Variants in SMIM12 observed in about 807,000 individuals in gnomAD.
SMIM12 encodes the protein UPF0767 protein C1orf212.
In SMIM12, 5 loss-of-function variants were observed where a neutral mutation model predicts 6.3. That is an observed-to-expected ratio of 0.80 (90% CI 0.42 to 1.68). The LOEUF is 1.68. Among genes scored for constraint, SMIM12 ranks in the 40% most tolerant of loss-of-function variants. The probability of loss-of-function intolerance (pLI) is 0.02; values close to 1 mark genes in which losing one functional copy is unlikely to be tolerated. For missense variants in SMIM12, 103 were observed against 121.4 expected (o/e 0.85, Z 0.71); for synonymous variants, 51 against 48.0 (o/e 1.06, Z -0.26).
In SMIM12 at chr1:34,852,467, A is replaced by AC. The variant is rs1640958223; in HGVS notation, c.*3231_*3232insG. On this transcript the variant is annotated 3_prime_UTR_variant, in exon 2 of 2. Coordinates refer to ENST00000521580, the MANE Select transcript of SMIM12 (RefSeq NM_138428.6). ...TGTAACAAGTTGTTAGATCGCCAAA[A>AC]AAAAAAAAAAAAAAAAAACCATAAT... 9.8e-6 allele frequency among the ~76,000 whole-genome samples: 1 copy of AC among 101,892 alleles called. No homozygotes were observed. The highest frequency in any genetic ancestry group is 5.1e-5 in the African/African-American group (1 of 19,778). 66.8% of individuals were successfully genotyped at this position (101,892 alleles called of 152,430 possible).
rs1468104183 is a variant in SMIM12, at chr1:34,854,289, CAG to C, written c.*1408_*1409del. On this transcript the variant is annotated 3_prime_UTR_variant, in exon 2 of 2. Coordinates refer to ENST00000521580, the MANE Select transcript of SMIM12 (RefSeq NM_138428.6). Reference sequence around the variant, plus strand: ...CGCCACTGCACTCCAGCCCGGGTGACAGAATGAGAGTCCATCTCCAAAAAAAA... The same window carrying C: ...CGCCACTGCACTCCAGCCCGGGTGACAATGAGAGTCCATCTCCAAAAAAAA... The C allele has an allele frequency of 6.6e-6, 1 of 152,114 alleles. No individual in the cohort carries two copies. The highest frequency in any genetic ancestry group is 1.5e-5 in the Non-Finnish European group (1 of 68,060). The allele number at this position is 152,114 out of a possible 1,614,324, so 9.4% of individuals were successfully genotyped here.
chr1:34,851,605 A>G lies in SMIM12; in HGVS notation c.*4094T>C, dbSNP rs1288387625. ...CCTGGAGCCCTGGGGAGCTGACCAG[A>G]GTCAAAAGGCTCCCTGGCAGGCTTG... On this transcript the variant is annotated 3_prime_UTR_variant, in exon 2 of 2. Transcript: ENST00000521580. 1 of 152,182 alleles carries G rather than the reference A, an allele frequency of 6.6e-6. No individual in the cohort carries two copies. 9.4% of individuals were successfully genotyped at this position (152,182 alleles called of 1,614,324 possible).
At position 34,855,020 on chromosome 1, in the gene SMIM12, C is replaced by A. The variant is rs2148379221; in HGVS notation, c.*679G>T. 2.4e-6 allele frequency: 3 copies of A among 1,256,382 alleles called. No individual in the cohort carries two copies. The South Asian group carries it at 4.2e-5, about 18-fold the overall frequency. 77.8% of individuals were successfully genotyped at this position (1,256,382 alleles called of 1,614,324 possible). On this transcript the variant is annotated 3_prime_UTR_variant, in exon 2 of 2. Transcript: ENST00000521580. ...AACTCCTAAGAAGACCCCCAAATAC[C>A]ACCTGGATGATAAGATTCGATCATT...
At position 34,851,877 on chromosome 1, in the gene SMIM12, G is replaced by A. The variant is rs940469669; in HGVS notation, c.*3822C>T. On this transcript the variant is annotated 3_prime_UTR_variant, in exon 2 of 2. Coordinates refer to ENST00000521580, the MANE Select transcript of SMIM12 (RefSeq NM_138428.6). ...TGTTTCAGTGAACTGTGACTGGAAGGCCAGTCAAAAAGAGGGTCACATGCC... is the reference window on the plus strand; with the variant it reads ...TGTTTCAGTGAACTGTGACTGGAAGACCAGTCAAAAAGAGGGTCACATGCC... Among the ~76,000 whole-genome samples the A allele has an allele frequency of 1.9e-4, 29 of 152,142 alleles. No homozygotes were observed. Among genetic ancestry groups the A allele is most frequent in the African/African-American group, 7.0e-4 (29 of 41,422 alleles).
In SMIM12 at chr1:34,850,461, C is replaced by G. The variant is rs186156592; in HGVS notation, c.*5238G>C. Reference sequence around the variant, plus strand: ...AAACTGATACACCGGTTACTAATTACTCTTCACTCTTCAAACTGATTCCCC... The same window carrying G: ...AAACTGATACACCGGTTACTAATTAGTCTTCACTCTTCAAACTGATTCCCC... On this transcript the variant is annotated 3_prime_UTR_variant, in exon 2 of 2. Transcript: ENST00000521580. 6.6e-6 allele frequency among the ~76,000 whole-genome samples: 1 copy of G among 152,204 alleles called. No individual in the cohort carries two copies. Among genetic ancestry groups the G allele is most frequent in the Non-Finnish European group, 1.5e-5 (1 of 68,038 alleles).
chr1:34,854,017 TAC>T lies in SMIM12; in HGVS notation c.*1680_*1681del, dbSNP rs1188479019. 1 of 101,448 alleles carries T rather than the reference TAC, an allele frequency of 9.9e-6. No individual in the cohort carries two copies. Among genetic ancestry groups the T allele is most frequent in the African/African-American group, 3.7e-5 (1 of 27,074 alleles). 6.3% of individuals were successfully genotyped at this position (101,448 alleles called of 1,614,324 possible). A position where few individuals can be genotyped will look rare whatever the true frequency, so the allele number is the denominator to read the frequency against. Reference sequence around the variant, plus strand: ...AACAACAACAACAACAAAAAAAAACTACAGACTGCCAGGCACGGTGCCTCACA... The same window carrying T: ...AACAACAACAACAACAAAAAAAAACTAGACTGCCAGGCACGGTGCCTCACA... On this transcript the variant is annotated 3_prime_UTR_variant, in exon 2 of 2. Coordinates refer to ENST00000521580, the MANE Select transcript of SMIM12 (RefSeq NM_138428.6).
Position 34,852,023 on chromosome 1 carries a change from G to A in SMIM12, c.*3676C>T, listed in dbSNP as rs183834588. On this transcript the variant is annotated 3_prime_UTR_variant, in exon 2 of 2. Coordinates refer to ENST00000521580, the MANE Select transcript of SMIM12 (RefSeq NM_138428.6). Reference sequence around the variant, plus strand: ...TGCTATCTAATGTCACCCGAGCAGAGGCAAGAGCACATATACTATCTTACA... The same window carrying A: ...TGCTATCTAATGTCACCCGAGCAGAAGCAAGAGCACATATACTATCTTACA... 6.6e-6 allele frequency among the ~76,000 whole-genome samples: 1 copy of A among 152,220 alleles called. No individual in the cohort carries two copies. Among genetic ancestry groups the A allele is most frequent in the African/African-American group, 2.4e-5 (1 of 41,454 alleles).
In SMIM12 at chr1:34,853,229, G is replaced by C. The variant is rs1638521767; in HGVS notation, c.*2470C>G. Reference sequence around the variant, plus strand: ...GTGGACACCATCAGGCCTCACGAGAGAGAACCTAAGAAGCAGGGCCAATAC... The same window carrying C: ...GTGGACACCATCAGGCCTCACGAGACAGAACCTAAGAAGCAGGGCCAATAC... On this transcript the variant is annotated 3_prime_UTR_variant, in exon 2 of 2. Transcript: ENST00000521580. 1 of 152,426 alleles carries C rather than the reference G, an allele frequency of 6.6e-6. No homozygotes were observed. The highest frequency in any genetic ancestry group is 2.4e-5 in the African/African-American group (1 of 41,438). The allele number at this position is 152,426 out of a possible 1,614,324, so 9.4% of individuals were successfully genotyped here. A position where few individuals can be genotyped will look rare whatever the true frequency, so the allele number is the denominator to read the frequency against.
rs1640929161 is a variant in SMIM12, at chr1:34,851,526, C to T, written c.*4173G>A. 1 of 152,242 alleles carries T rather than the reference C, an allele frequency of 6.6e-6. No homozygotes were observed. Among genetic ancestry groups the T allele is most frequent in the Non-Finnish European group, 1.5e-5 (1 of 68,054 alleles). 9.4% of individuals were successfully genotyped at this position (152,242 alleles called of 1,614,324 possible). ...CATTTTCACTGCCTGGCTCCCAACCCAGACTCTGGCAAGGCTAATTCCATG... is the reference window on the plus strand; with the variant it reads ...CATTTTCACTGCCTGGCTCCCAACCTAGACTCTGGCAAGGCTAATTCCATG... On this transcript the variant is annotated 3_prime_UTR_variant, in exon 2 of 2. Coordinates refer to ENST00000521580, the MANE Select transcript of SMIM12 (RefSeq NM_138428.6).
intron 1 of SMIM12, chr1:34,858,114 A>T (rs1008526795): frequency 6.0e-5 from 8 of 132,952 alleles, no homozygotes; most frequent in African/African-American, 2.9e-4. Context: ...ATGAAATTTA[A>T]AAAAAAAAAA....
intron 1 of SMIM12, chr1:34,857,375 A>G (rs912084930): frequency 1.3e-5 from 2 of 152,200 alleles, no homozygotes; most frequent in Non-Finnish European, 2.9e-5. Flanking sequence ...TCCATCTCAA[A>G]TGATTATTAC....
rs980457665 is a variant in SMIM12, at chr1:34,852,503, A to T, written c.*3196T>A. 1.4e-5 allele frequency among the ~76,000 whole-genome samples: 2 copies of T among 147,262 alleles called. No homozygotes were observed. The highest frequency in any genetic ancestry group is 3.0e-5 in the Non-Finnish European group (2 of 67,156). Reference sequence around the variant, plus strand: ...AAAAAAAACCATAATTATAGGTGTCATCAGAAGGAGGAGGCAGTTTGAGAG... The same window carrying T: ...AAAAAAAACCATAATTATAGGTGTCTTCAGAAGGAGGAGGCAGTTTGAGAG... On this transcript the variant is annotated 3_prime_UTR_variant, in exon 2 of 2. Transcript: ENST00000521580.
At chr1:34,856,035 A>G in intron 1 of SMIM12, 53 bp from the exon 2 acceptor site, 1 of 1,489,024 alleles carries the variant, frequency 6.7e-7, no homozygotes, top group Non-Finnish European at 9.0e-7. Flanking sequence ...CTCCCACCAA[A>G]TAAGAGCAAC....
At chr1:34,857,828 T>C (rs1638701520) in intron 1 of SMIM12, 1 of 152,154 alleles carries the variant, frequency 6.6e-6, no homozygotes, top group African/African-American at 2.4e-5. Flanking sequence ...AGGGATGGTT[T>C]CGGGATGAAA....
chr1:34,854,504 C>G lies in SMIM12; in HGVS notation c.*1195G>C, dbSNP rs1638577696. 6.6e-6 allele frequency: 1 copy of G among 151,824 alleles called. No homozygotes were observed. The highest frequency in any genetic ancestry group is 2.4e-5 in the African/African-American group (1 of 41,262). 9.4% of individuals were successfully genotyped at this position (151,824 alleles called of 1,614,324 possible). ...AGAGGATCACTTGAGCCCAGGAGGT[C>G]AAGGTTGCACTGAGCCGTAATTGTA... On this transcript the variant is annotated 3_prime_UTR_variant, in exon 2 of 2. Transcript: ENST00000521580.
chr1:34,856,327 T>C (rs1638652365), intron 1 of SMIM12, among the ~76,000 whole-genome samples: 1 of 151,676 alleles, frequency 6.6e-6, no homozygotes, highest in Non-Finnish European at 1.5e-5. Context: ...CCCAAAGTGC[T>C]GGAATTACAG....
intron 1 of SMIM12, chr1:34,859,365 A>C (rs1638750297): frequency 6.6e-6 from 1 of 152,324 alleles, no homozygotes; most frequent in Admixed American, 6.5e-5. Flanking sequence ...AGCGCAGTCC[A>C]GGAATGGGAG....
At chr1:34,858,286 T>C (rs1033240275) in intron 1 of SMIM12, 1 of 152,202 alleles carries the variant, frequency 6.6e-6, no homozygotes, top group Non-Finnish European at 1.5e-5. Flanking sequence ...ACAGACATTA[T>C]GTTAACTTAT....
intron 1 of SMIM12, chr1:34,859,219 G>A (rs1392870897): frequency 6.6e-6 from 1 of 152,286 alleles, no homozygotes; most frequent in East Asian, 1.9e-4. Flanking sequence ...GGTCAACTGG[G>A]CTGCTGGGAA....
Sources: allele counts gnomAD v4.1 joint callset (sites outside exome capture counted in the v4.1 genomes callset), GRCh38; gene constraint gnomAD v4.1.1; transcripts MANE v1.5; gene names NCBI Gene and HGNC (gene_info 2026-07-23, HGNC 2026-07-21).